CUX1: variants seen among roughly 807,000 people sequenced by gnomAD.
CUX1 encodes protein CASP.
Under a neutral mutation model 158.8 loss-of-function variants are expected in CUX1, and 31 were observed. The ratio of observed to expected loss-of-function variants is 0.20; its 90% CI spans 0.15 to 0.26. CUX1 has a LOEUF of 0.26. CUX1 is among the 10% of genes least tolerant of loss of function. The pLI, the probability that CUX1 is intolerant of heterozygous loss-of-function variation, is 1.00. For synonymous variants in CUX1, 879 were observed against 862.1 expected (o/e 1.02, Z -0.34); for missense variants, 1,589 against 2,014.6 (o/e 0.79, Z 4.04).
intron 8 of CUX1, among the ~76,000 whole-genome samples, chr7:102,126,177 CTGTGTGTGTGTGTG>C (rs3988138): frequency 5.2e-5 from 7 of 135,542 alleles, no homozygotes; most frequent in African/African-American, 8.5e-5. Flanking sequence ...CCATTTCCGG[CTGTGTGTGTGTGTG>C]TGTGTGTGTG....
At chr7:101,848,054 A>C (rs1795885114) in intron 1 of CUX1, among the ~76,000 whole-genome samples, 2 of 78,308 alleles carry the variant, frequency 2.6e-5, no homozygotes. Flanking sequence ...CAAGACTCAA[A>C]AAAAAAAAAA....
At chr7:101,997,807 C>A (rs1816151217) in intron 2 of CUX1, among the ~76,000 whole-genome samples, 1 of 151,560 alleles carries the variant, frequency 6.6e-6, no homozygotes, top group African/African-American at 2.4e-5. Context: ...TTTGCCACAG[C>A]TCTTGGGATC....
At chr7:102,105,315 A>G (rs1170735466) in intron 6 of CUX1, among the ~76,000 whole-genome samples, 1 of 152,050 alleles carries the variant, frequency 6.6e-6, no homozygotes, top group African/African-American at 2.4e-5. Context: ...TCAGGGAGTT[A>G]GTATCAGTAA....
At chr7:102,278,060 G>A in exon 18 of CUX1, 1 of 1,607,880 alleles carries the variant, frequency 6.2e-7, no homozygotes, top group Non-Finnish European at 8.5e-7. Flanking sequence ...GAGCTACCCT[G>A]GCCGGGTGAG....
intron 12 of CUX1, among the ~76,000 whole-genome samples, chr7:102,193,112 G>A (rs1794450699): frequency 6.6e-6 from 1 of 152,250 alleles, no homozygotes; most frequent in Non-Finnish European, 1.5e-5. Flanking sequence ...CCAAGTCTAG[G>A]AGGTTGCTCT....
At chr7:101,972,395 G>A (rs1052330744) in intron 2 of CUX1, among the ~76,000 whole-genome samples, 5 of 152,184 alleles carry the variant, frequency 3.3e-5, no homozygotes, top group Middle Eastern at 3.2e-3. Flanking sequence ...GACACATACC[G>A]TTCGGGGACA....
intron 4 of CUX1, among the ~76,000 whole-genome samples, chr7:102,070,700 GC>G (rs1272118353): frequency 6.6e-6 from 1 of 152,212 alleles, no homozygotes; most frequent in Non-Finnish European, 1.5e-5. Flanking sequence ...ATAAAACCCT[GC>G]ACGTACTGCA....
chr7:102,250,783 C>CGTGCGT lies in CUX1; in HGVS notation c.*1751_*1756dup. On this transcript the variant is annotated 3_prime_UTR_variant, in exon 24 of 24. Coordinates refer to ENST00000292535, the MANE Select transcript of CUX1 (RefSeq NM_181552.4). ...GAGAATAGAGGCGGGTGAGAGTGTG[C>CGTGCGT]GTGCGTGTGCGTGTGTGCAATTTTA... 1.0e-6 allele frequency: 1 copy of CGTGCGT among 985,112 alleles called. No individual in the cohort carries two copies. Among genetic ancestry groups the CGTGCGT allele is most frequent in the Non-Finnish European group, 1.2e-6 (1 of 829,754 alleles). 61.0% of individuals were successfully genotyped at this position (985,112 alleles called of 1,614,324 possible).
intron 3 of CUX1, among the ~76,000 whole-genome samples, chr7:102,037,648 G>A (rs115580671): frequency 0.02 from 3,022 of 151,992 alleles, 103 homozygotes; most frequent in African/African-American, 0.07. Context: ...CACCACGCCC[G>A]GCCCTGGGCT....
chr7:102,280,545 C>T (rs547504347), intron 19 of CUX1, among the ~76,000 whole-genome samples: 2 of 152,288 alleles, frequency 1.3e-5, no homozygotes, highest in African/African-American at 4.8e-5. Flanking sequence ...AAGTTCTGCC[C>T]GTGGAGTACT....
intron 2 of CUX1, among the ~76,000 whole-genome samples, chr7:101,988,452 C>T (rs946988147): frequency 6.6e-6 from 1 of 152,136 alleles, no homozygotes; most frequent in African/African-American, 2.4e-5. Context: ...GGTGCTTCTG[C>T]GCCAGCTCTT....
chr7:102,270,345 C>T (rs1430989080), intron 14 of CUX1, among the ~76,000 whole-genome samples: 1 of 152,180 alleles, frequency 6.6e-6, no homozygotes, highest in Admixed American at 6.5e-5. Flanking sequence ...GGTGGAAGCC[C>T]GCACAGCCAG....
chr7:102,227,319 A>G (rs430841), intron 20 of CUX1, 48 bp from the exon 21 acceptor site: 1,525,117 of 1,528,594 alleles, frequency 1, 760,835 homozygotes, highest in East Asian at 1. Context: ...TGGTCGTGGT[A>G]AAAGACAGCT....
At chr7:101,836,926 C>T (rs780041931) in intron 1 of CUX1, among the ~76,000 whole-genome samples, 1 of 152,100 alleles carries the variant, frequency 6.6e-6, no homozygotes, top group Non-Finnish European at 1.5e-5. Flanking sequence ...CCTGGGCCCT[C>T]GATGGCTCTG....
intron 20 of CUX1, among the ~76,000 whole-genome samples, chr7:102,205,650 C>A (rs1170943058): frequency 6.6e-6 from 1 of 152,126 alleles, no homozygotes; most frequent in East Asian, 1.9e-4. Flanking sequence ...GGCCAGGAAG[C>A]CCCTGAAGAC....
At chr7:101,982,465 C>T (rs924156882) in intron 2 of CUX1, among the ~76,000 whole-genome samples, 7 of 151,546 alleles carry the variant, frequency 4.6e-5, no homozygotes, top group African/African-American at 9.7e-5. Flanking sequence ...CTTGCTCTGT[C>T]GCCCAGGCTG....
intron 10 of CUX1, among the ~76,000 whole-genome samples, chr7:102,171,018 C>T (rs150004413): frequency 2.2e-3 from 342 of 152,112 alleles, no homozygotes; most frequent in Non-Finnish European, 3.2e-3. Flanking sequence ...CATTCTGCAC[C>T]GAGTTTATAG....
In CUX1 at chr7:102,196,997, T is replaced by A; in HGVS notation, c.1586T>A (p.Val529Asp). The stretch of plus-strand genomic sequence containing the variant: ...AGTCCATTACAACAAAGCCCAGATG[T>A]CAATGGCATGGCCCCATCCCCCAGC... The part of the protein sequence containing the change: ...SQSPLQQSPD[V>D]NGMAPSPSQS... The change falls in exon 15 of 24, where the codon GTC (valine) becomes GAC (aspartate). Residue 529 changes from valine (V) to aspartate (D), a missense_variant. Val to Asp is a radical substitution (Grantham distance 152, BLOSUM62 -3). Transcript: ENST00000292535. 6.2e-7 allele frequency: 1 copy of A among 1,614,192 alleles called. No individual in the cohort carries two copies. The highest frequency in any genetic ancestry group is 8.5e-7 in the Non-Finnish European group (1 of 1,180,036).
At chr7:101,914,232 G>A (rs768212419) in intron 1 of CUX1, among the ~76,000 whole-genome samples, 1 of 152,116 alleles carries the variant, frequency 6.6e-6, no homozygotes, top group African/African-American at 2.4e-5. Context: ...AAATACTAAG[G>A]GGAGAAGAGT....
Sources: gnomAD v4.1 joint callset for allele counts (sites outside exome capture counted in the v4.1 genomes callset) on GRCh38, gnomAD v4.1.1 for gene constraint, MANE v1.5 for transcripts, NCBI Gene and HGNC (gene_info 2026-07-23, HGNC 2026-07-21) for gene names.